Variants in DSCAM observed in about 807,000 individuals in gnomAD.
The protein encoded by DSCAM is DS cell adhesion molecule.
A neutral mutation model predicts 217.7 loss-of-function variants in DSCAM; 47 were observed. That is an observed-to-expected ratio of 0.22 (90% CI 0.17 to 0.28). The LOEUF (loss-of-function observed/expected upper bound fraction) is 0.28. Among genes scored for constraint, DSCAM ranks in the 10% least tolerant of loss-of-function variants. DSCAM has a pLI of 1.00. For missense variants in DSCAM, 2,080 were observed against 2,618.3 expected (o/e 0.79, Z 4.49); for synonymous variants, 1,056 against 1,015.3 (o/e 1.04, Z -0.76).
intron 3 of DSCAM, among the ~76,000 whole-genome samples, chr21:40,538,821 T>C (rs904832869): frequency 6.6e-6 from 1 of 152,030 alleles, no homozygotes; most frequent in African/African-American, 2.4e-5. Flanking sequence ...AGAAAGACAA[T>C]GATACATTTC....
At chr21:40,771,119 G>A (rs1211409981) in intron 1 of DSCAM, among the ~76,000 whole-genome samples, 1 of 152,206 alleles carries the variant, frequency 6.6e-6, no homozygotes, top group East Asian at 1.9e-4. Flanking sequence ...ACAGAGTTGG[G>A]CAGTGTAAAG....
intron 20 of DSCAM, among the ~76,000 whole-genome samples, chr21:40,095,537 G>A (rs930081068): frequency 2.0e-5 from 3 of 152,182 alleles, no homozygotes; most frequent in African/African-American, 7.2e-5. Context: ...CAGGGGCAGG[G>A]TAGGGGAAGG....
intron 3 of DSCAM, among the ~76,000 whole-genome samples, chr21:40,581,279 G>T (rs2837715): frequency 0.04 from 6,089 of 152,254 alleles, 165 homozygotes; most frequent in Middle Eastern, 0.13. Context: ...ACCACCTTTT[G>T]CTAGTTCCAT....
At chr21:40,418,196 T>C (rs948515895) in intron 3 of DSCAM, among the ~76,000 whole-genome samples, 8 of 152,100 alleles carry the variant, frequency 5.3e-5, no homozygotes, top group Admixed American at 2.0e-4. Flanking sequence ...GTGTTATCCA[T>C]TGTGTTTGGC....
intron 10 of DSCAM, among the ~76,000 whole-genome samples, chr21:40,278,056 C>T (rs1347805035): frequency 6.6e-6 from 1 of 151,682 alleles, no homozygotes; most frequent in African/African-American, 2.4e-5. Flanking sequence ...CATCAATATA[C>T]AAAAATCAAT....
chr21:40,671,976 T>G (rs1279883627), intron 3 of DSCAM, among the ~76,000 whole-genome samples: 1 of 152,140 alleles, frequency 6.6e-6, no homozygotes, highest in Non-Finnish European at 1.5e-5. Flanking sequence ...GAGTCCGAAA[T>G]CAAGTTTCCA....
intron 10 of DSCAM, among the ~76,000 whole-genome samples, chr21:40,281,170 T>C (rs185654312): frequency 1.9e-3 from 282 of 152,294 alleles, no homozygotes; most frequent in Admixed American, 3.9e-3. Context: ...TACAAAGCAA[T>C]AGATTCCTAA....
chr21:40,411,599 A>G (rs771056213), intron 3 of DSCAM, among the ~76,000 whole-genome samples: 2 of 152,230 alleles, frequency 1.3e-5, no homozygotes, highest in African/African-American at 2.4e-5. Flanking sequence ...CAAACAAAAA[A>G]TCTCACATAA....
At chr21:40,077,270 G>A (rs539491741) in intron 26 of DSCAM, among the ~76,000 whole-genome samples, 2 of 152,324 alleles carry the variant, frequency 1.3e-5, no homozygotes, top group South Asian at 4.1e-4. Context: ...ACCCAGGCCA[G>A]AAGTGCCAGG....
chr21:40,081,009 A>G (rs1384007020), intron 24 of DSCAM, among the ~76,000 whole-genome samples: 1 of 152,200 alleles, frequency 6.6e-6, no homozygotes, highest in Non-Finnish European at 1.5e-5. Context: ...CCCTTTGCTT[A>G]CAGTATTTCT....
chr21:40,149,332 T>C lies in DSCAM; in HGVS notation c.3019-4601A>G, dbSNP rs555236108. On this transcript the variant is annotated intron_variant, in intron 16 of 32. Transcript: ENST00000400454. ...ATCCGTCACTTCATCACTATCCCAA[T>C]ACCACCATCACTATCACCACCACCA... Among the ~76,000 whole-genome samples, 124 of 125,242 alleles carry C rather than the reference T, an allele frequency of 9.9e-4. 4 individuals are homozygous for C. The highest frequency in any genetic ancestry group is 7.1e-3 in the Middle Eastern group (1 of 140). The allele number at this position is 125,242 out of a possible 152,430, so 82.2% of individuals were successfully genotyped here.
intron 4 of DSCAM, among the ~76,000 whole-genome samples, chr21:40,355,197 C>G (rs1449010615): frequency 6.6e-6 from 1 of 152,128 alleles, no homozygotes; most frequent in African/African-American, 2.4e-5. Flanking sequence ...AGTCCACGTG[C>G]TATGGGTGTG....
intron 8 of DSCAM, among the ~76,000 whole-genome samples, chr21:40,314,893 C>A (rs1178909111): frequency 6.6e-6 from 1 of 152,164 alleles, no homozygotes; most frequent in Non-Finnish European, 1.5e-5. Context: ...TGAGTTAACA[C>A]AGTAATTCTC....
intron 6 of DSCAM, among the ~76,000 whole-genome samples, chr21:40,347,451 TTAC>T (rs2074570905): frequency 6.6e-6 from 1 of 152,192 alleles, no homozygotes; most frequent in Non-Finnish European, 1.5e-5. Context: ...AACATTTATG[TTAC>T]TTTACATTAC....
At chr21:40,312,383 A>C (rs2123492723) in intron 8 of DSCAM, 24 bp from the exon 9 acceptor site, 1 of 1,608,896 alleles carries the variant, frequency 6.2e-7, no homozygotes, top group South Asian at 1.1e-5. Context: ...GAAAGATAAT[A>C]ACGAACTGTG....
At chr21:40,039,521 T>G (rs2088703163) in intron 32 of DSCAM, among the ~76,000 whole-genome samples, 1 of 152,204 alleles carries the variant, frequency 6.6e-6, no homozygotes, top group Middle Eastern at 3.2e-3. Flanking sequence ...AGACACAGTC[T>G]GGCCATATAT....
intron 11 of DSCAM, among the ~76,000 whole-genome samples, chr21:40,218,961 C>T (rs984927701): frequency 6.6e-6 from 1 of 152,146 alleles, no homozygotes; most frequent in Non-Finnish European, 1.5e-5. Flanking sequence ...TTTGGATGCC[C>T]TTTATTTCCT....
chr21:40,712,014 T>C (rs1463265739), intron 1 of DSCAM, among the ~76,000 whole-genome samples: 1 of 152,136 alleles, frequency 6.6e-6, no homozygotes, highest in Non-Finnish European at 1.5e-5. Flanking sequence ...AATAAAGTAA[T>C]CAGAAAGTGC....
At chr21:40,507,016 C>A (rs989549367) in intron 3 of DSCAM, among the ~76,000 whole-genome samples, 1 of 152,198 alleles carries the variant, frequency 6.6e-6, no homozygotes, top group Non-Finnish European at 1.5e-5. Context: ...CAGCGGCTCA[C>A]GCCTGTAATC....
Sources: allele counts gnomAD v4.1 joint callset (sites outside exome capture counted in the v4.1 genomes callset), GRCh38; gene constraint gnomAD v4.1.1; transcripts MANE v1.5; gene names NCBI Gene and HGNC (gene_info 2026-07-23, HGNC 2026-07-21).